CDH26: variants seen among roughly 807,000 people sequenced by gnomAD.
CDH26 encodes cadherin-like protein 26.
Under a neutral mutation model 90.3 loss-of-function variants are expected in CDH26, and 83 were observed. The ratio of observed to expected loss-of-function variants is 0.92; its 90% CI spans 0.77 to 1.10. The LOEUF is 1.10. Among genes scored for constraint, CDH26 ranks in the 50% least tolerant of loss-of-function variants. The pLI is 0.00. For missense variants in CDH26, 1,013 were observed against 1,037.6 expected, an observed-to-expected ratio of 0.98 and a Z score of 0.33; for synonymous variants, 397 against 396.3, an observed-to-expected ratio of 1.00 and a Z score of -0.02.
At chr20:60,009,765 C>A (rs909601883) in intron 17 of CDH26, among the ~76,000 whole-genome samples, 5 of 152,126 alleles carry the variant, frequency 3.3e-5, no homozygotes, top group African/African-American at 1.2e-4. Flanking sequence ...TGCTGTCAGC[C>A]TGGGGGTTTT....
In CDH26 at chr20:59,984,704, C is replaced by A. The variant is rs141052091; in HGVS notation, c.607C>A (p.Leu203Ile). ...AGAAAACACTCCAAATTCTCAAGTC[C>A]TTTACTTCCTCATTTCTCAAACACC... Reference protein sequence around the residue: ...DEENTPNSQVLYFLISQTPLL... With the variant: ...DEENTPNSQVIYFLISQTPLL... Residue 203 changes from leucine to isoleucine, a missense_variant, in exon 6 of 18, where the codon CTT becomes ATT. Coordinates refer to ENST00000348616, the MANE Select transcript of CDH26 (RefSeq NM_177980.4). 1.2e-6 allele frequency: 2 copies of A among 1,613,908 alleles called. No individual in the cohort carries two copies. Among genetic ancestry groups the A allele is most frequent in the African/African-American group, 2.7e-5 (2 of 75,028 alleles).
chr20:59,988,833 G>T, intron 8 of CDH26, 71 bp from the exon 9 acceptor site: 1 of 1,551,546 alleles, frequency 6.4e-7, no homozygotes, highest in South Asian at 1.2e-5. Flanking sequence ...TTGCAATGAT[G>T]ACTCGGCGCT....
rs60088029 is a variant in CDH26, at chr20:59,966,231, TAAA to T, written c.70-2712_70-2710del. ...TCTTTCAAGTAAAATGGTGTTGCATTAAAAAAAAAAAAAAAAAAAAAAAAAAGT... is the reference window on the plus strand; with the variant it reads ...TCTTTCAAGTAAAATGGTGTTGCATTAAAAAAAAAAAAAAAAAAAAAAAGT... On this transcript the variant is annotated intron_variant, in intron 1 of 17. Transcript: ENST00000348616. Among the ~76,000 whole-genome samples, 491 of 76,254 alleles carry T rather than the reference TAAA, an allele frequency of 6.4e-3. 6 individuals are homozygous for T. The highest frequency in any genetic ancestry group is 0.029 in the African/African-American group (463 of 15,896). 50.0% of individuals were successfully genotyped at this position (76,254 alleles called of 152,430 possible).
chr20:59,996,539 A>G (rs369474797), intron 12 of CDH26, 92 bp from the exon 13 acceptor site: 2 of 1,614,120 alleles, frequency 1.2e-6, no homozygotes, highest in Non-Finnish European at 1.7e-6. Context: ...CCAGTTCATG[A>G]CTGAGTTATA....
chr20:59,989,309 A>G lies in CDH26; in HGVS notation c.1283+146A>G, dbSNP rs1043575695. ...TTTGGGAGGCCGAGGCGGGTGGATC[A>G]TGAGGTCAAGAGATCGAGACCATCC... is the stretch of plus-strand genomic sequence containing the variant. On this transcript the variant is annotated intron_variant, in intron 9 of 17. Transcript: ENST00000348616. The G allele has an allele frequency of 3.5e-5, 35 of 999,328 alleles. No homozygotes were observed. In the African/African-American group the frequency reaches 3.8e-4, roughly 11 times the overall value. 61.9% of individuals were successfully genotyped at this position (999,328 alleles called of 1,614,324 possible).
intron 4 of CDH26, among the ~76,000 whole-genome samples, chr20:59,980,953 A>T (rs2061388309): frequency 6.7e-6 from 1 of 150,316 alleles, no homozygotes; most frequent in African/African-American, 2.4e-5. Context: ...ACCCAGGTTT[A>T]TTTTTTTTTG....
chr20:59,994,189 C>T, intron 10 of CDH26, 61 bp from the exon 11 acceptor site: 9 of 1,593,296 alleles, frequency 5.6e-6, no homozygotes, highest in East Asian at 2.2e-5. Context: ...GGAGAGTGCT[C>T]ATTCTCCAGA....
At chr20:60,029,229 G>A (rs2062021520) in intron 7 of CDH26, among the ~76,000 whole-genome samples, 1 of 152,180 alleles carries the variant, frequency 6.6e-6, no homozygotes, top group Non-Finnish European at 1.5e-5. Flanking sequence ...AGTTACATGA[G>A]AGGAATCAGT....
chr20:60,009,034 C>T (rs186138878), intron 17 of CDH26, among the ~76,000 whole-genome samples: 21 of 152,246 alleles, frequency 1.4e-4, no homozygotes, highest in African/African-American at 5.1e-4. Flanking sequence ...TCTCCCGAGC[C>T]GACTGTAACC....
At chr20:60,016,118 C>A (rs1314302097), downstream of CDH26, among the ~76,000 whole-genome samples, 1 of 152,130 alleles carries the variant, frequency 6.6e-6, no homozygotes, top group East Asian at 1.9e-4. Flanking sequence ...TTCTGTGGTT[C>A]CACACAAATT....
rs1386621415 is a variant in CDH26 at position 60,012,926 on chromosome 20, A to G, written c.*196A>G. The G allele has an allele frequency of 1.2e-5, 6 of 506,202 alleles. No individual in the cohort carries two copies. In the East Asian group the frequency reaches 1.7e-4, roughly 14 times the overall value. 31.4% of individuals were successfully genotyped at this position (506,202 alleles called of 1,614,324 possible). ...CCATCTTGAACCAAAGCAAAACCAC[A>G]AGTTACACTTTCTTAAAATTTGATT... On this transcript the variant is annotated 3_prime_UTR_variant, in exon 18 of 18. Transcript: ENST00000348616.
In CDH26 at chr20:60,003,081, T is replaced by C. The variant is rs542880524; in HGVS notation, c.2220+215T>C. Among the ~76,000 whole-genome samples the C allele has an allele frequency of 2.0e-5, 3 of 152,334 alleles. No homozygotes were observed. The East Asian group carries it at 5.8e-4, about 29-fold the overall frequency. ...CGTGACTCGAGGGCATAAGAGCTTT[T>C]CAGTCCCTGGCAAATTTCTTTTGCT... On this transcript the variant is annotated intron_variant, in intron 16 of 17. Transcript: ENST00000348616.
intron 4 of CDH26, among the ~76,000 whole-genome samples, chr20:59,982,709 T>C (rs556625729): frequency 1.3e-5 from 2 of 152,328 alleles, no homozygotes; most frequent in Non-Finnish European, 2.9e-5. Context: ...GAGCATTGGC[T>C]TGTTCTACAC....
At chr20:59,990,760 G>A (rs963081228) in intron 9 of CDH26, among the ~76,000 whole-genome samples, 2 of 152,066 alleles carry the variant, frequency 1.3e-5, no homozygotes, top group Admixed American at 6.5e-5. Context: ...TGCACCTTGA[G>A]TTAGCAAGGC....
chr20:59,981,736 C>G (rs1358676999), intron 4 of CDH26, among the ~76,000 whole-genome samples: 1 of 152,000 alleles, frequency 6.6e-6, no homozygotes, highest in Non-Finnish European at 1.5e-5. Context: ...CTGTAATTTA[C>G]AAAAATTTGA....
chr20:59,967,759 T>C (rs1428940601), intron 1 of CDH26, among the ~76,000 whole-genome samples: 2 of 137,088 alleles, frequency 1.5e-5, no homozygotes, highest in East Asian at 2.4e-4. Flanking sequence ...CCCTTCCCCT[T>C]CCCCTTCCCC....
At chr20:60,034,281 C>T (rs2062067176), downstream of CDH26, among the ~76,000 whole-genome samples, 1 of 152,216 alleles carries the variant, frequency 6.6e-6, no homozygotes, top group South Asian at 2.1e-4. Flanking sequence ...GGCAATGTCC[C>T]TCTGCCACTG....
At chr20:60,033,668 T>C in exon 9 of CDH26, 1 of 1,304,330 alleles carries the variant, frequency 7.7e-7, no homozygotes, top group Non-Finnish European at 1.0e-6. Context: ...CAGGGCTGTC[T>C]CAGGCTGAGC....
intron 7 of CDH26, among the ~76,000 whole-genome samples, chr20:60,029,076 G>A (rs970864958): frequency 3.3e-5 from 5 of 152,204 alleles, no homozygotes; most frequent in African/African-American, 1.2e-4. Flanking sequence ...AAATAAGGGG[G>A]ACACAGAGGG....
Sources: gnomAD v4.1 joint callset for allele counts (sites outside exome capture counted in the v4.1 genomes callset) on GRCh38, gnomAD v4.1.1 for gene constraint, MANE v1.5 for transcripts, NCBI Gene and HGNC (gene_info 2026-07-23, HGNC 2026-07-21) for gene names.